Variants in HMGCS1 observed in about 807,000 individuals in gnomAD.
HMGCS1 encodes the protein 3-hydroxy-3-methylglutaryl-CoA synthase 1, also known as hydroxymethylglutaryl-CoA synthase, cytoplasmic.
Under a neutral mutation model 52.3 loss-of-function variants are expected in HMGCS1, and 9 were observed. The ratio of observed to expected loss-of-function variants is 0.17; its 90% CI spans 0.10 to 0.30. The LOEUF is 0.30. HMGCS1 is among the 10% of genes least tolerant of loss of function. The probability of loss-of-function intolerance (pLI) is 1.00; values close to 1 mark genes in which losing one functional copy is unlikely to be tolerated. For missense variants in HMGCS1, 320 were observed against 620.9 expected, an observed-to-expected ratio of 0.52 and a Z score of 5.15; for synonymous variants, 176 against 214.4, an observed-to-expected ratio of 0.82 and a Z score of 1.57.
intron 1 of HMGCS1, among the ~76,000 whole-genome samples, chr5:43,308,644 C>G (rs1019064734): frequency 4.6e-5 from 7 of 152,130 alleles, no homozygotes; most frequent in African/African-American, 1.7e-4. Flanking sequence ...TTCAGTCCAT[C>G]TGTTTTGAAA....
In HMGCS1 at chr5:43,298,813, C is replaced by T. The variant is rs1754161849; in HGVS notation, c.153G>A (p.Leu51=). Residue 51 remains leucine (L), a synonymous_variant, in exon 3 of 11, where the codon TTG becomes TTA. Transcript: ENST00000325110. This position sits in a 1 kb window ranked among gnomAD's most constrained non-coding sequence, Gnocchi z 5.6. ...GVDAGKYTIG[L]GQAKMGFCTD... ...TGCAGAAGCCCATCTTGGCCTGGCC[C>T]AAGCCAATGGTATACTTTCCAGCAT... The T allele has an allele frequency of 6.2e-7, 1 of 1,612,782 alleles. No individual in the cohort carries two copies. The highest frequency in any genetic ancestry group is 8.5e-7 in the Non-Finnish European group (1 of 1,179,532).
At chr5:43,301,066 G>A (rs1050153437) in intron 2 of HMGCS1, among the ~76,000 whole-genome samples, 4 of 152,142 alleles carry the variant, frequency 2.6e-5, no homozygotes, top group African/African-American at 4.8e-5. Context: ...CCAGCCTGGT[G>A]GTAGGGCAAG....
chr5:43,309,646 C>G (rs1446997080), intron 1 of HMGCS1, among the ~76,000 whole-genome samples: 1 of 152,174 alleles, frequency 6.6e-6, no homozygotes, highest in Non-Finnish European at 1.5e-5. Flanking sequence ...TGCTGTGCTA[C>G]TTAAGGATTT....
At chr5:43,291,277 A>G in intron 10 of HMGCS1, 57 bp from the exon 11 acceptor site, 2 of 1,035,106 alleles carry the variant, frequency 1.9e-6, no homozygotes, top group Middle Eastern at 2.0e-4. Context: ...CACAAGAATC[A>G]TGGCACCAAT....
rs1367689208 is a variant in HMGCS1 at position 43,297,066 on chromosome 5, G to A, written c.675C>T (p.Tyr225=). The A allele has an allele frequency of 8.1e-6, 13 of 1,613,554 alleles. No individual in the cohort carries two copies. The highest frequency in any genetic ancestry group is 1.1e-5 in the Non-Finnish European group (13 of 1,179,610). Residue 225 remains tyrosine, a synonymous_variant, in exon 5 of 11, where the codon TAC becomes TAT. Transcript: ENST00000325110. The part of the protein sequence containing the change: ...IVDGKLSIQC[Y]LSALDRCYSV... ...AATAGCAGCGGTCTAATGCACTGAG[G>A]TAGCACTGTATGGAGAGTTTTCCAT...
intron 8 of HMGCS1, 47 bp downstream of exon 8, chr5:43,294,009 C>A: frequency 7.9e-7 from 1 of 1,270,698 alleles, no homozygotes; most frequent in Non-Finnish European, 1.2e-6. Flanking sequence ...GCCACTGTGC[C>A]TGGACTCAGT....
rs550207517 is a variant in HMGCS1 at position 43,312,599 on chromosome 5, T to C, written c.-70+757A>G. Among the ~76,000 whole-genome samples, 39 of 152,288 alleles carry C rather than the reference T, an allele frequency of 2.6e-4. No homozygotes were observed. In the South Asian group the frequency reaches 7.9e-3, roughly 31 times the overall value. On this transcript the variant is annotated intron_variant, in intron 1 of 10. Coordinates refer to ENST00000325110, the MANE Select transcript of HMGCS1 (RefSeq NM_001098272.3). The stretch of plus-strand genomic sequence containing the variant: ...GGAGGACTCTGTGAGTGCCTGCCCA[T>C]TACACTGTATCACCTAAAGCTGGTC...
At chr5:43,310,462 G>T (rs1262969241) in intron 1 of HMGCS1, among the ~76,000 whole-genome samples, 1 of 152,084 alleles carries the variant, frequency 6.6e-6, no homozygotes, top group Non-Finnish European at 1.5e-5. Context: ...TTGGGAGAGG[G>T]GCTATATATT....
rs1002759844 is a variant in HMGCS1 at position 43,290,223 on chromosome 5, T to C, written c.*908A>G. On this transcript the variant is annotated 3_prime_UTR_variant, in exon 11 of 11. Coordinates refer to ENST00000325110, the MANE Select transcript of HMGCS1 (RefSeq NM_001098272.3). ...ATAATGCCCTGCCCCTATTCTTCCC[T>C]TCCATTTTAAATTTTTAAAAAAGTA... 6.6e-6 allele frequency: 1 copy of C among 152,616 alleles called. No homozygotes were observed. Among genetic ancestry groups the C allele is most frequent in the Non-Finnish European group, 1.5e-5 (1 of 68,036 alleles). The allele number at this position is 152,616 out of a possible 1,614,324, so 9.5% of individuals were successfully genotyped here. A position where few individuals can be genotyped will look rare whatever the true frequency, so the allele number is the denominator to read the frequency against.
At position 43,291,079 on chromosome 5, in the gene HMGCS1, A is replaced by ACCCCCACCCCCTGCCC; in HGVS notation, c.*51_*52insGGGCAGGGGGTGGGGG. 1.3e-6 allele frequency: 1 copy of ACCCCCACCCCCTGCCC among 780,104 alleles called. No individual in the cohort carries two copies. Among genetic ancestry groups the ACCCCCACCCCCTGCCC allele is most frequent in the Non-Finnish European group, 2.3e-6 (1 of 430,614 alleles). 48.3% of individuals were successfully genotyped at this position (780,104 alleles called of 1,614,324 possible). A position where few individuals can be genotyped will look rare whatever the true frequency, so the allele number is the denominator to read the frequency against. On this transcript the variant is annotated 3_prime_UTR_variant, in exon 11 of 11. Transcript: ENST00000325110. Reference sequence around the variant, plus strand: ...ATCCCATTCCTCCAACTGTTCCCATACCCCCACCCCATGCCCACCCCACCC... The same window carrying ACCCCCACCCCCTGCCC: ...ATCCCATTCCTCCAACTGTTCCCATACCCCCACCCCCTGCCCCCCCCACCCCATGCCCACCCCACCC...
At chr5:43,310,044 T>G (rs1176236082) in intron 1 of HMGCS1, among the ~76,000 whole-genome samples, 1 of 152,228 alleles carries the variant, frequency 6.6e-6, no homozygotes, top group African/African-American at 2.4e-5. Flanking sequence ...ATATAAACAG[T>G]TACCTATTGA....
chr5:43,294,213 G>C, intron 7 of HMGCS1, 51 bp from the exon 8 acceptor site: 1 of 1,123,672 alleles, frequency 8.9e-7, no homozygotes, highest in Non-Finnish European at 1.4e-6. Flanking sequence ...CAAAGCTACA[G>C]CGTGTGGGAA....
At chr5:43,304,326 T>C (rs1242975823) in intron 2 of HMGCS1, among the ~76,000 whole-genome samples, 1 of 152,252 alleles carries the variant, frequency 6.6e-6, no homozygotes, top group Non-Finnish European at 1.5e-5. Flanking sequence ...TGGTCTTCCT[T>C]GCCTGGCTCA....
rs574796938 is a variant in HMGCS1, at chr5:43,298,464, T to C, written c.448+54A>G. The C allele has an allele frequency of 1.9e-4, 261 of 1,390,446 alleles. 1 individual carries two copies. The highest frequency in any genetic ancestry group is 1.3e-3 in the Middle Eastern group (7 of 5,218). The allele number at this position is 1,390,446 out of a possible 1,614,324, so 86.1% of individuals were successfully genotyped here. A position where few individuals can be genotyped will look rare whatever the true frequency, so the allele number is the denominator to read the frequency against. On this transcript the variant is annotated intron_variant, in intron 3 of 10. Transcript: ENST00000325110. The surrounding 1 kb of genome is among the most constrained non-coding windows in gnomAD (Gnocchi z 5.6). ...TTAATTAAAGTGTCATCTGGGTCTA[T>C]TGAACCTTAGAAAAAAATTTTGGGG... is the stretch of plus-strand genomic sequence containing the variant.
chr5:43,298,185 A>C lies in HMGCS1; in HGVS notation c.449-51T>G. On this transcript the variant is annotated intron_variant, in intron 3 of 10. Coordinates refer to ENST00000325110, the MANE Select transcript of HMGCS1 (RefSeq NM_001098272.3). This position sits in a 1 kb window ranked among gnomAD's most constrained non-coding sequence, Gnocchi z 5.6. ...CAAGAAGGAATTCAACACTATAACCAAACATGGAAACTGAAGTCTGTTATA... is the reference window on the plus strand; with the variant it reads ...CAAGAAGGAATTCAACACTATAACCCAACATGGAAACTGAAGTCTGTTATA... The C allele has an allele frequency of 6.8e-7, 1 of 1,472,524 alleles. No individual in the cohort carries two copies. The highest frequency in any genetic ancestry group is 9.3e-7 in the Non-Finnish European group (1 of 1,073,196). The allele number at this position is 1,472,524 out of a possible 1,614,324, so 91.2% of individuals were successfully genotyped here.
intron 2 of HMGCS1, among the ~76,000 whole-genome samples, chr5:43,305,695 G>A (rs1166966278): frequency 6.6e-6 from 1 of 150,976 alleles, no homozygotes; most frequent in Non-Finnish European, 1.5e-5. Context: ...ACTTGAACCT[G>A]GGAGACGGAG....
Position 43,292,925 on chromosome 5 carries a change from C to A in HMGCS1, c.1232G>T (p.Arg411Met). 6.2e-7 allele frequency: 1 copy of A among 1,609,558 alleles called. No homozygotes were observed. Among genetic ancestry groups the A allele is most frequent in the Non-Finnish European group, 8.5e-7 (1 of 1,178,572 alleles). Residue 411 changes from arginine to methionine, a missense_variant, in exon 9 of 11, where the codon AGG (arginine) becomes ATG (methionine). By Grantham distance (91) the Arg-to-Met change is moderately conservative. This residue lies in a region of HMGCS1 where 213 missense variants were observed against 337.4 expected (regional missense o/e 0.63). Coordinates refer to ENST00000325110, the MANE Select transcript of HMGCS1 (RefSeq NM_001098272.3). ...ITASLCDLKS[R>M]LDSRTGVAPD... is the part of the protein sequence containing the mutation. ...TGCCACACCAGTTCTTGAATCAAGCCTTGATTTAAGATCACATAAACTTGC... is the reference window on the plus strand; with the variant it reads ...TGCCACACCAGTTCTTGAATCAAGCATTGATTTAAGATCACATAAACTTGC...
intron 8 of HMGCS1, 30 bp from the exon 9 acceptor site, chr5:43,293,003 G>A: frequency 6.5e-7 from 1 of 1,548,136 alleles, no homozygotes; most frequent in Non-Finnish European, 8.7e-7. Context: ...AACATTAAAA[G>A]ATTTTTTTGA....
At chr5:43,308,955 C>T (rs1252983944) in intron 1 of HMGCS1, among the ~76,000 whole-genome samples, 2 of 151,882 alleles carry the variant, frequency 1.3e-5, no homozygotes, top group African/African-American at 4.8e-5. Context: ...CTACAATATT[C>T]CAAAAATGTC....
Sources: gnomAD v4.1 joint callset for allele counts (sites outside exome capture counted in the v4.1 genomes callset) on GRCh38, gnomAD v4.1.1 for gene constraint, gnomAD v4.1.1 regional missense constraint, Gnocchi (gnomAD v3.1) non-coding constraint, MANE v1.5 for transcripts, NCBI Gene and HGNC (gene_info 2026-07-23, HGNC 2026-07-21) for gene names.